Variants in COL6A3 observed in about 807,000 individuals in gnomAD.
COL6A3 encodes the protein collagen alpha-3(VI) chain.
COL6A3 carries 137 observed loss-of-function variants against 274.1 expected under a neutral mutation model. The ratio of observed to expected loss-of-function variants is 0.50; its 90% CI spans 0.44 to 0.58. The LOEUF (loss-of-function observed/expected upper bound fraction) is 0.58. COL6A3 is among the 20% of genes least tolerant of loss of function. The pLI, the probability that COL6A3 is intolerant of heterozygous loss-of-function variation, is 0.00. For missense variants in COL6A3, 3,950 were observed against 4,124.9 expected (o/e 0.96, Z 1.16); for synonymous variants, 1,650 against 1,650.6 (o/e 1.00, Z 0.01).
In COL6A3 at chr2:237,376,834, C is replaced by T. The variant is rs775536678; in HGVS notation, c.3008G>A (p.Gly1003Glu). ...ATTCACTATCTGTGGATGAAGATCT[C>T]CAATCTTGGGAAGCGACTCTGCAGC... ...ILAAESLPKI[G>E]DLHPQIVNLL... is the part of the protein sequence containing the mutation. The change falls in exon 7 of 44, where the codon GGA becomes GAA. Residue 1003 changes from glycine (G) to glutamate (E), a missense_variant. By Grantham distance (98) the Gly-to-Glu change is moderately conservative (BLOSUM62 -2). Transcript: ENST00000295550. 3.3e-5 allele frequency: 53 copies of T among 1,614,084 alleles called. No individual in the cohort carries two copies. The highest frequency in any genetic ancestry group is 1.8e-4 in the South Asian group (16 of 91,088).
chr2:237,331,075 G>T (rs769412468), intron 42 of COL6A3, among the ~76,000 whole-genome samples: 14 of 152,204 alleles, frequency 9.2e-5, no homozygotes, highest in Non-Finnish European at 1.8e-4. Context: ...ATTAATGGAT[G>T]CTGCAGAAAG....
In COL6A3 at chr2:237,324,730, G is replaced by A; in HGVS notation, c.*44C>T. 1 of 1,600,380 alleles carries A rather than the reference G, an allele frequency of 6.2e-7. No individual in the cohort carries two copies. Among genetic ancestry groups the A allele is most frequent in the Non-Finnish European group, 8.6e-7 (1 of 1,167,884 alleles). On this transcript the variant is annotated 3_prime_UTR_variant, in exon 44 of 44. Transcript: ENST00000295550. ...CTACAGAGACAAGTTGGCGATGGCT[G>A]ACTCCTTCTTCTTCAAGAGGTATAT... is the stretch of plus-strand genomic sequence containing the variant.
At chr2:237,338,660 C>T (rs1574935817) in intron 39 of COL6A3, among the ~76,000 whole-genome samples, 3 of 152,054 alleles carry the variant, frequency 2.0e-5, no homozygotes, top group Admixed American at 2.0e-4. Flanking sequence ...CCCAGCTACT[C>T]GGGAGGCTGA....
intron 4 of COL6A3, among the ~76,000 whole-genome samples, chr2:237,382,945 G>A (rs1029978779): frequency 4.6e-5 from 7 of 152,024 alleles, no homozygotes; most frequent in Non-Finnish European, 7.4e-5. Flanking sequence ...GCACGACCAC[G>A]CCCGGCTAAT....
At chr2:237,326,530 G>A (rs552895191) in intron 42 of COL6A3, 6 of 152,306 alleles carry the variant, frequency 3.9e-5, no homozygotes, top group East Asian at 1.9e-4. Flanking sequence ...CACACAGCAC[G>A]ACTCCTGTTT....
intron 5 of COL6A3, among the ~76,000 whole-genome samples, chr2:237,380,186 C>A (rs903252940): frequency 6.6e-6 from 1 of 152,186 alleles, no homozygotes; most frequent in African/African-American, 2.4e-5. Context: ...TGCATCCAGG[C>A]AGCATGGGTC....
At position 237,357,863 on chromosome 2, in the gene COL6A3, C is replaced by T; in HGVS notation, c.6491G>A (p.Ser2164Asn). 1 of 1,614,176 alleles carries T rather than the reference C, an allele frequency of 6.2e-7. No homozygotes were observed. Among genetic ancestry groups the T allele is most frequent in the Non-Finnish European group, 8.5e-7 (1 of 1,180,034 alleles). Residue 2164 changes from serine to asparagine, a missense_variant, in exon 22 of 44, where the codon AGC becomes AAC. Transcript: ENST00000295550. The part of the protein sequence containing the change: ...RGDPGNPGQD[S>N]QERGPKGETG... ...TTCTCCTTTGGGTCCTCTCTCCTGGCTGTCTTGTCCTGGGTTACCCTGAAA... is the reference window on the plus strand; with the variant it reads ...TTCTCCTTTGGGTCCTCTCTCCTGGTTGTCTTGTCCTGGGTTACCCTGAAA...
Position 237,361,958 on chromosome 2 carries a change from G to C in COL6A3, c.6064-127C>G, listed in dbSNP as rs1460637643. The C allele has an allele frequency of 1.2e-6, 1 of 846,450 alleles. No homozygotes were observed. Among genetic ancestry groups the C allele is most frequent in the Non-Finnish European group, 2.0e-6 (1 of 502,418 alleles). 52.4% of individuals were successfully genotyped at this position (846,450 alleles called of 1,614,324 possible). A position where few individuals can be genotyped will look rare whatever the true frequency, so the allele number is the denominator to read the frequency against. On this transcript the variant is annotated intron_variant, in intron 14 of 43. Transcript: ENST00000295550. The surrounding 1 kb of genome is among the most constrained non-coding windows in gnomAD (Gnocchi z 5.1). ...ACGGTGTGAGATGAAGTCCCTCCAG[G>C]TGACATTTGCTGGACGACTGACGAT...
At chr2:237,406,174 T>A (rs2078714592) in intron 1 of COL6A3, among the ~76,000 whole-genome samples, 2 of 152,214 alleles carry the variant, frequency 1.3e-5, no homozygotes, top group African/African-American at 4.8e-5. Context: ...TGAAATCATA[T>A]TCAATCATAT....
rs2078000559 is a variant in COL6A3 at position 237,381,345 on chromosome 2, A to G, written c.1467T>C (p.Tyr489=). The G allele has an allele frequency of 1.2e-6, 2 of 1,614,224 alleles. No homozygotes were observed. The highest frequency in any genetic ancestry group is 2.7e-5 in the African/African-American group (2 of 75,060). ...QDLIQVAVAQ[Y]ADTVRPEFYF... ...AAAATTCAGGCCTCACAGTGTCTGC[A>G]TACTGGGCCACTGCCACCTGGATAA... The change falls in exon 5 of 44, where the codon TAT becomes TAC. Residue 489 remains tyrosine (Y), a synonymous_variant. Transcript: ENST00000295550.
intron 3 of COL6A3, among the ~76,000 whole-genome samples, chr2:237,392,327 T>C (rs1333173095): frequency 1.3e-5 from 2 of 152,224 alleles, no homozygotes; most frequent in African/African-American, 4.8e-5. Flanking sequence ...TTCTGAATCC[T>C]TGTTATGAAA....
intron 24 of COL6A3, 105 bp from the exon 25 acceptor site, chr2:237,353,508 G>T: frequency 1.0e-6 from 1 of 960,246 alleles, no homozygotes; most frequent in Non-Finnish European, 1.6e-6. Flanking sequence ...AAGCAACCAG[G>T]GAAAACTCAG....
At chr2:237,359,462 GCTGTTCC>G in intron 17 of COL6A3, 74 bp from the exon 18 acceptor site, 1 of 1,490,262 alleles carries the variant, frequency 6.7e-7, no homozygotes, top group African/African-American at 1.4e-5. Flanking sequence ...GAGGCCAAGG[GCTGTTCC>G]CCCACTCCAC....
At chr2:237,399,180 A>T (rs1168772566) in intron 1 of COL6A3, among the ~76,000 whole-genome samples, 2 of 152,160 alleles carry the variant, frequency 1.3e-5, no homozygotes, top group Non-Finnish European at 2.9e-5. Flanking sequence ...CTTTTCAATC[A>T]AGTTCACCAG....
At chr2:237,356,180 A>G (rs1044459843) in intron 23 of COL6A3, among the ~76,000 whole-genome samples, 4 of 152,188 alleles carry the variant, frequency 2.6e-5, no homozygotes, top group Non-Finnish European at 5.9e-5. Flanking sequence ...GAACTACTCA[A>G]TTTTAAGTCA....
rs766781765 is a variant in COL6A3, at chr2:237,342,049, T to C, written c.7765+16A>G. Reference sequence around the variant, plus strand: ...ATTGCAGCTGAGCAGATCTTCCTGTTAGAGAAACAGCTTACCCAAGCAAAC... The same window carrying C: ...ATTGCAGCTGAGCAGATCTTCCTGTCAGAGAAACAGCTTACCCAAGCAAAC... On this transcript the variant is annotated intron_variant, in intron 37 of 43. Coordinates refer to ENST00000295550, the MANE Select transcript of COL6A3 (RefSeq NM_004369.4). The C allele has an allele frequency of 4.3e-6, 7 of 1,610,346 alleles. No individual in the cohort carries two copies. The highest frequency in any genetic ancestry group is 5.1e-6 in the Non-Finnish European group (6 of 1,176,692).
chr2:237,353,377 C>T lies in COL6A3; in HGVS notation c.6654G>A (p.Pro2218=), dbSNP rs147537071. 3.4e-4 allele frequency: 551 copies of T among 1,614,044 alleles called. No homozygotes were observed. Among genetic ancestry groups the T allele is most frequent in the Non-Finnish European group, 4.1e-4 (481 of 1,180,032 alleles). The part of the protein sequence containing the change: ...AKGNKGGPGQ[P]GFEGEQGTRG... ...TGGTCCCCTGCTCTCCCTCAAAGCC[C>T]GGCTGGCCAGGACCGCCCTTGTTGC... The change falls in exon 25 of 44, where the codon CCG becomes CCA. Residue 2218 remains proline (P), a synonymous_variant. Coordinates refer to ENST00000295550, the MANE Select transcript of COL6A3 (RefSeq NM_004369.4).
At chr2:237,349,947 G>A (rs564399665) in intron 28 of COL6A3, among the ~76,000 whole-genome samples, 200 bp downstream of exon 28, 269 of 151,992 alleles carry the variant, frequency 1.8e-3, no homozygotes, top group African/African-American at 6.3e-3. Flanking sequence ...CCCACGGCCC[G>A]CCCCACCTCT....
At position 237,325,767 on chromosome 2, in the gene COL6A3, G is replaced by A. The variant is rs544757358; in HGVS notation, c.9329-43C>T. On this transcript the variant is annotated intron_variant, in intron 42 of 43. Coordinates refer to ENST00000295550, the MANE Select transcript of COL6A3 (RefSeq NM_004369.4). ...GAAAAGGATATTAATGAGAACATGC[G>A]TGTTACTCGGCTCCCAGTGCTGGGG... 4.7e-5 allele frequency: 74 copies of A among 1,558,898 alleles called. No homozygotes were observed. The Admixed American group carries it at 8.7e-4, about 18-fold the overall frequency.
Sources: allele counts gnomAD v4.1 joint callset (sites outside exome capture counted in the v4.1 genomes callset), GRCh38; gene constraint gnomAD v4.1.1; non-coding constraint Gnocchi (gnomAD v3.1); transcripts MANE v1.5; gene names NCBI Gene and HGNC (gene_info 2026-07-23, HGNC 2026-07-21).